The following DNAJB14 variants were observed in gnomAD, a reference collection of about 807,000 sequenced individuals.
DNAJB14 encodes dnaJ homolog subfamily B member 14.
Under a neutral mutation model 48.4 loss-of-function variants are expected in DNAJB14, and 22 were observed. The observed-to-expected ratio is 0.45, with a 90% confidence interval of 0.32 to 0.65. The LOEUF (loss-of-function observed/expected upper bound fraction) is 0.65, where lower values mean the gene tolerates loss of function less well. Ranked by LOEUF, DNAJB14 falls within the 30% of genes least tolerant of loss-of-function variation. DNAJB14 has a pLI of 0.03. For synonymous variants in DNAJB14, 142 were observed against 158.7 expected (o/e 0.89, Z 0.79); for missense variants, 319 against 458.8 (o/e 0.70, Z 2.78).
intron 3 of DNAJB14, among the ~76,000 whole-genome samples, chr4:99,909,444 T>C (rs1298777170): frequency 2.0e-5 from 3 of 152,040 alleles, no homozygotes; most frequent in Admixed American, 6.6e-5. Flanking sequence ...TATTTTTTCA[T>C]TCTATTATCC....
Position 99,903,904 on chromosome 4 carries a change from A to G in DNAJB14, c.843-6T>C, listed in dbSNP as rs767072121. ...TAATAGTTTGCCCAGTTCCACTGTA[A>G]AAGAGATGCATCATTATTTTAATTA... On this transcript the variant is annotated splice_polypyrimidine_tract_variant and splice_region_variant and intron_variant, in intron 6 of 7. Transcript: ENST00000442697. 1.9e-6 allele frequency: 3 copies of G among 1,607,688 alleles called. No individual in the cohort carries two copies. The South Asian group carries it at 3.3e-5, about 18-fold the overall frequency.
At chr4:99,910,147 C>T (rs1028911973) in intron 3 of DNAJB14, among the ~76,000 whole-genome samples, 20 of 152,022 alleles carry the variant, frequency 1.3e-4, no homozygotes, top group African/African-American at 3.9e-4. Context: ...TTCTTCTAAT[C>T]GAGCTTCTTA....
chr4:99,912,208 T>C (rs372811378), intron 3 of DNAJB14, among the ~76,000 whole-genome samples: 20 of 152,338 alleles, frequency 1.3e-4, no homozygotes, highest in African/African-American at 4.6e-4. Context: ...TATTTCTGGG[T>C]TTCCTATCTC....
chr4:99,932,025 G>C (rs1180443305), intron 1 of DNAJB14, among the ~76,000 whole-genome samples: 1 of 151,986 alleles, frequency 6.6e-6, no homozygotes, highest in Non-Finnish European at 1.5e-5. Context: ...AATTAACTCG[G>C]AATGGATCAT....
chr4:99,913,434 T>C (rs1292502242), intron 3 of DNAJB14, among the ~76,000 whole-genome samples: 2 of 152,198 alleles, frequency 1.3e-5, no homozygotes, highest in Admixed American at 6.5e-5. Context: ...ATTAATATAA[T>C]CGTGGGATTT....
intron 3 of DNAJB14, among the ~76,000 whole-genome samples, chr4:99,914,028 T>C (rs1024794805): frequency 6.6e-6 from 1 of 152,154 alleles, no homozygotes; most frequent in Admixed American, 6.6e-5. Flanking sequence ...GGGGAAAACC[T>C]GAGGGGTGTC....
At chr4:99,911,140 T>C (rs1441868102) in intron 3 of DNAJB14, among the ~76,000 whole-genome samples, 1 of 152,146 alleles carries the variant, frequency 6.6e-6, no homozygotes, top group Non-Finnish European at 1.5e-5. Flanking sequence ...TGGGATATTA[T>C]ATGATATATA....
At chr4:99,942,427 T>A (rs563393363) in intron 1 of DNAJB14, 61 of 152,106 alleles carry the variant, frequency 4.0e-4, no homozygotes, top group African/African-American at 1.4e-3. Flanking sequence ...CCAGAACATA[T>A]CAATAACTCA....
intron 2 of DNAJB14, chr4:99,928,669 GGA>G: frequency 2.7e-6 from 1 of 374,182 alleles, no homozygotes; most frequent in East Asian, 8.1e-5. Flanking sequence ...ACCAGATTTA[GGA>G]GAGTCTTCTT....
At chr4:99,924,862 C>G (rs1411572031) in intron 2 of DNAJB14, 1 of 1,360,720 alleles carries the variant, frequency 7.3e-7, no homozygotes, top group Non-Finnish European at 1.0e-6. Flanking sequence ...GCATAAAAAA[C>G]TGAATTCAAC....
At chr4:99,922,851 GA>G (rs1726110474) in intron 3 of DNAJB14, 188 bp downstream of exon 3, 1 of 558,730 alleles carries the variant, frequency 1.8e-6, no homozygotes, top group South Asian at 3.4e-5. Context: ...TTGCTTTTGT[GA>G]AGCCAAACTG....
At chr4:99,923,420 G>A (rs1345245098) in intron 2 of DNAJB14, among the ~76,000 whole-genome samples, 1 of 152,142 alleles carries the variant, frequency 6.6e-6, no homozygotes, top group Non-Finnish European at 1.5e-5. Flanking sequence ...TGTCCTTAGT[G>A]TAATGTATCA....
At chr4:99,939,998 C>T (rs1258172121) in intron 1 of DNAJB14, among the ~76,000 whole-genome samples, 1 of 152,104 alleles carries the variant, frequency 6.6e-6, no homozygotes, top group African/African-American at 2.4e-5. Flanking sequence ...ATTTACCTTC[C>T]AGACGTACTG....
intron 1 of DNAJB14, among the ~76,000 whole-genome samples, chr4:99,932,772 C>A (rs1003803811): frequency 6.6e-6 from 1 of 152,024 alleles, no homozygotes; most frequent in Non-Finnish European, 1.5e-5. Context: ...AATGATATAT[C>A]CAGACAATGA....
At chr4:99,906,138 T>G in intron 5 of DNAJB14, 1 of 1,316,696 alleles carries the variant, frequency 7.6e-7, no homozygotes, top group Non-Finnish European at 9.9e-7. Flanking sequence ...CCTTTCCACT[T>G]CATGTAATTA....
At chr4:99,945,389 T>C (rs1209113857) in intron 1 of DNAJB14, among the ~76,000 whole-genome samples, 4 of 152,324 alleles carry the variant, frequency 2.6e-5, no homozygotes, top group Middle Eastern at 6.8e-3. Flanking sequence ...ATATTTTCAT[T>C]AATAATTTTC....
intron 7 of DNAJB14, among the ~76,000 whole-genome samples, chr4:99,902,668 C>CT (rs1325223602): frequency 6.6e-6 from 1 of 152,110 alleles, no homozygotes; most frequent in Non-Finnish European, 1.5e-5. Context: ...GTGTGAAGTA[C>CT]TTTATTGCCT....
Position 99,921,282 on chromosome 4 carries a change from G to A in DNAJB14, c.451+1758C>T, listed in dbSNP as rs373875443. On this transcript the variant is annotated intron_variant, in intron 3 of 7. Coordinates refer to ENST00000442697, the MANE Select transcript of DNAJB14 (RefSeq NM_001031723.4). ...TCTCCTCAGATATAAATCACTTCCC[G>A]GCATGTTGGTAAGTATTAAGTTTCT... Among the ~76,000 whole-genome samples, 342 of 152,140 alleles carry A rather than the reference G, an allele frequency of 2.2e-3. 2 individuals are homozygous for A. Among genetic ancestry groups the A allele is most frequent in the African/African-American group, 7.7e-3 (319 of 41,496 alleles).
intron 3 of DNAJB14, among the ~76,000 whole-genome samples, chr4:99,916,436 A>T (rs1406437388): frequency 6.6e-6 from 1 of 152,226 alleles, no homozygotes; most frequent in Non-Finnish European, 1.5e-5. Context: ...CACTTCACCT[A>T]GTGAAAACAT....
Sources: gnomAD v4.1 joint callset for allele counts (sites outside exome capture counted in the v4.1 genomes callset) on GRCh38, gnomAD v4.1.1 for gene constraint, MANE v1.5 for transcripts, NCBI Gene and HGNC (gene_info 2026-07-23, HGNC 2026-07-21) for gene names.